The following MARVELD3 variants were observed in gnomAD, a reference collection of about 807,000 sequenced individuals.
The protein encoded by MARVELD3 is MARVEL domain containing 3, also known as MARVEL domain-containing protein 3.
A neutral mutation model predicts 33.5 loss-of-function variants in MARVELD3; 28 were observed. The observed-to-expected ratio is 0.84, with a 90% CI of 0.62 to 1.15. The LOEUF (loss-of-function observed/expected upper bound fraction) is 1.15. MARVELD3 is among the 50% of genes most tolerant of loss of function. The pLI, the probability that MARVELD3 is intolerant of heterozygous loss-of-function variation, is 0.00. For synonymous variants in MARVELD3, 241 were observed against 230.4 expected (o/e 1.05, Z -0.42); for missense variants, 582 against 547.6 (o/e 1.06, Z -0.63).
intron 2 of MARVELD3, among the ~76,000 whole-genome samples, chr16:71,633,599 T>A (rs773474635): frequency 3.3e-5 from 5 of 152,090 alleles, no homozygotes; most frequent in Non-Finnish European, 7.4e-5. Flanking sequence ...ACCACCATGT[T>A]GGCCAGGCTG....
chr16:71,633,853 G>A (rs2044556124), intron 2 of MARVELD3, among the ~76,000 whole-genome samples: 1 of 152,036 alleles, frequency 6.6e-6, no homozygotes, highest in African/African-American at 2.4e-5. Flanking sequence ...CATCTTTCTG[G>A]TGGTGGGAGG....
downstream of MARVELD3, chr16:71,640,731 G>A: frequency 6.2e-7 from 1 of 1,614,238 alleles, no homozygotes; most frequent in Non-Finnish European, 8.5e-7. Context: ...AGCGGCAGTG[G>A]GCTACTGCAC....
chr16:71,627,331 C>G (rs1398186233), intron 1 of MARVELD3, among the ~76,000 whole-genome samples: 1 of 152,138 alleles, frequency 6.6e-6, no homozygotes, highest in Non-Finnish European at 1.5e-5. Flanking sequence ...GGTGAAACCC[C>G]GTCTTTACTA....
chr16:71,629,149 A>G (rs375851776), intron 1 of MARVELD3: 10 of 498,786 alleles, frequency 2.0e-5, no homozygotes, highest in African/African-American at 1.2e-4. Flanking sequence ...AGCGGTACCA[A>G]TCACAGCATC....
chr16:71,639,463 T>C (rs1342957450), downstream of MARVELD3: 2 of 150,190 alleles, frequency 1.3e-5, no homozygotes, highest in Non-Finnish European at 3.0e-5. Context: ...TTTTTTTTTT[T>C]TGAGATGGAG....
At chr16:71,640,289 T>C (rs1426007557), downstream of MARVELD3, 1 of 1,368,060 alleles carries the variant, frequency 7.3e-7, no homozygotes, top group Non-Finnish European at 1.0e-6. Flanking sequence ...AAGTTGACAT[T>C]GAATCAACCA....
downstream of MARVELD3, chr16:71,636,578 G>T (rs1456930481): frequency 6.6e-6 from 1 of 151,974 alleles, no homozygotes; most frequent in African/African-American, 2.4e-5. Flanking sequence ...CACCCAGAAA[G>T]ACTTTTTTTA....
In MARVELD3 at chr16:71,635,593, C is replaced by T; in HGVS notation, c.*790C>T. ...CTACACTCTAGCCTGAGCAACAGAC[C>T]AAGACCGTATTGCCAAAATACCAAA... is the stretch of plus-strand genomic sequence containing the variant. On this transcript the variant is annotated 3_prime_UTR_variant, in exon 3 of 3. Coordinates refer to ENST00000268485, the MANE Select transcript of MARVELD3 (RefSeq NM_052858.6). The T allele has an allele frequency of 1.0e-6, 1 of 983,366 alleles. No individual in the cohort carries two copies. Among genetic ancestry groups the T allele is most frequent in the Non-Finnish European group, 1.2e-6 (1 of 828,602 alleles). 60.9% of individuals were successfully genotyped at this position (983,366 alleles called of 1,614,324 possible).
Position 71,627,776 on chromosome 16 carries a change from TG to T in MARVELD3, c.467+1088del, listed in dbSNP as rs960391475. ...GAAGACTCTGTGAGCTAGGGGAGGG[TG>T]GGGGGGGAAGGGAAGACAAGAGGGG... On this transcript the variant is annotated intron_variant, in intron 1 of 2. Coordinates refer to ENST00000268485, the MANE Select transcript of MARVELD3 (RefSeq NM_052858.6). 1.3e-3 allele frequency among the ~76,000 whole-genome samples: 13 copies of T among 9,862 alleles called. 1 individual carries two copies. The highest frequency in any genetic ancestry group is 2.2e-3 in the Non-Finnish European group (10 of 4,640). The allele number at this position is 9,862 out of a possible 152,430, so 6.5% of individuals were successfully genotyped here.
chr16:71,640,689 T>G, downstream of MARVELD3: 1 of 1,614,252 alleles, frequency 6.2e-7, no homozygotes, highest in Non-Finnish European at 8.5e-7. Flanking sequence ...GTCAGGGAAG[T>G]GGCTCCTCAC....
At chr16:71,627,651 T>C (rs535109001) in intron 1 of MARVELD3, among the ~76,000 whole-genome samples, 191 of 152,240 alleles carry the variant, frequency 1.3e-3, no homozygotes, top group African/African-American at 4.4e-3. Flanking sequence ...ATCCCACGGC[T>C]GCTTGAGACC....
At chr16:71,639,682 A>C (rs1000830920), downstream of MARVELD3, among the ~76,000 whole-genome samples, 3 of 140,042 alleles carry the variant, frequency 2.1e-5, no homozygotes, top group Admixed American at 7.1e-5. Flanking sequence ...CCTGACCTCA[A>C]GTGATCTGCC....
chr16:71,634,845 G>A lies in MARVELD3; in HGVS notation c.*42G>A, dbSNP rs755567535. 40 of 1,535,064 alleles carry A rather than the reference G, an allele frequency of 2.6e-5. No homozygotes were observed. Among genetic ancestry groups the A allele is most frequent in the Non-Finnish European group, 3.1e-5 (36 of 1,143,870 alleles). ...CTGACAGATGCAAGTGGTGGTGGAA[G>A]GTAGTCTGAGCCACTGCCTTTCCCA... is the stretch of plus-strand genomic sequence containing the variant. On this transcript the variant is annotated 3_prime_UTR_variant, in exon 3 of 3. Coordinates refer to ENST00000268485, the MANE Select transcript of MARVELD3 (RefSeq NM_052858.6).
In MARVELD3 at chr16:71,626,705, G is replaced by A; in HGVS notation, c.467+9G>A. ...CGCCGCAGACCCGAAAGGTGAGAGG[G>A]GCCGGGGCGCTGCGACCTCCGCGCC... is the stretch of plus-strand genomic sequence containing the variant. On this transcript the variant is annotated intron_variant, in intron 1 of 2. Coordinates refer to ENST00000268485, the MANE Select transcript of MARVELD3 (RefSeq NM_052858.6). This position sits in a 1 kb window ranked among gnomAD's most constrained non-coding sequence, Gnocchi z 5.3. 1 of 1,444,210 alleles carries A rather than the reference G, an allele frequency of 6.9e-7. No individual in the cohort carries two copies. The highest frequency in any genetic ancestry group is 9.0e-7 in the Non-Finnish European group (1 of 1,106,472). 89.5% of individuals were successfully genotyped at this position (1,444,210 alleles called of 1,614,324 possible). A position where few individuals can be genotyped will look rare whatever the true frequency, so the allele number is the denominator to read the frequency against.
At chr16:71,628,623 T>A (rs1278726243) in intron 1 of MARVELD3, among the ~76,000 whole-genome samples, 1 of 151,274 alleles carries the variant, frequency 6.6e-6, no homozygotes, top group Non-Finnish European at 1.5e-5. Flanking sequence ...CCCAGAGGCA[T>A]GGAAAAGCAG....
At chr16:71,638,297 G>A (rs2044594643), downstream of MARVELD3, 1 of 152,220 alleles carries the variant, frequency 6.6e-6, no homozygotes. Flanking sequence ...TAAGGTCCTG[G>A]TTGAATAGAC....
downstream of MARVELD3, chr16:71,640,391 T>C (rs1405240193): frequency 6.2e-7 from 1 of 1,613,452 alleles, no homozygotes; most frequent in African/African-American, 1.3e-5. Flanking sequence ...TTCTCCTAGG[T>C]GTGGTGCAGA....
At chr16:71,630,391 C>T (rs957067830) in intron 2 of MARVELD3, among the ~76,000 whole-genome samples, 1 of 152,014 alleles carries the variant, frequency 6.6e-6, no homozygotes, top group Non-Finnish European at 1.5e-5. Context: ...TTTGGGAGGC[C>T]AAGGTGGGTG....
chr16:71,629,588 C>T, intron 2 of MARVELD3, 94 bp downstream of exon 2: 1 of 1,204,408 alleles, frequency 8.3e-7, no homozygotes, highest in Non-Finnish European at 1.1e-6. Context: ...TAAGCAGATT[C>T]CCTTGTGGGT....
Sources: allele counts gnomAD v4.1 joint callset (sites outside exome capture counted in the v4.1 genomes callset), GRCh38; gene constraint gnomAD v4.1.1; non-coding constraint Gnocchi (gnomAD v3.1); transcripts MANE v1.5; gene names NCBI Gene and HGNC (gene_info 2026-07-23, HGNC 2026-07-21).